Variants in ICE1 observed in about 807,000 individuals in gnomAD.
The protein encoded by ICE1 is interactor of little elongation complex ELL subunit 1.
Under a neutral mutation model 192.7 loss-of-function variants are expected in ICE1, and 64 were observed. That is an observed-to-expected ratio of 0.33 (90% CI 0.27 to 0.41). The LOEUF (loss-of-function observed/expected upper bound fraction) is 0.41. Ranked by LOEUF, ICE1 falls within the 10% of genes least tolerant of loss-of-function variation. The pLI, the probability that ICE1 is intolerant of heterozygous loss-of-function variation, is 1.00. For synonymous variants in ICE1, 1,010 were observed against 984.5 expected (o/e 1.03, Z -0.49); for missense variants, 2,708 against 2,696.0 (o/e 1.00, Z -0.10).
intron 17 of ICE1, 58 bp downstream of exon 17, chr5:5,476,137 T>TG (rs11416699): frequency 0.63 from 526,429 of 840,392 alleles, 171,810 homozygotes; most frequent in Admixed American, 0.77. Context: ...GGTGGAAGGC[T>TG]GGGGGGTTAA....
At chr5:5,465,291 C>T in intron 13 of ICE1, 65 bp downstream of exon 13, 1 of 1,178,568 alleles carries the variant, frequency 8.5e-7, no homozygotes, top group Non-Finnish European at 1.2e-6. Context: ...ATGCTGTTTA[C>T]TGTCAGCAAA....
chr5:5,454,753 T>A, intron 11 of ICE1, 115 bp downstream of exon 11: 1 of 640,690 alleles, frequency 1.6e-6, no homozygotes, highest in Non-Finnish European at 2.7e-6. Context: ...AAGAATGAAG[T>A]AAACTAGAAT....
intron 3 of ICE1, among the ~76,000 whole-genome samples, chr5:5,438,871 A>T (rs980920019): frequency 3.3e-5 from 5 of 152,168 alleles, no homozygotes; most frequent in Non-Finnish European, 7.4e-5. Flanking sequence ...ACATACCTTT[A>T]AAAAAATATG....
chr5:5,447,669 ATGGCTGCAC>A (rs1328340690), intron 8 of ICE1, 43 bp from the exon 9 acceptor site: 4 of 1,503,100 alleles, frequency 2.7e-6, no homozygotes, highest in Non-Finnish European at 3.6e-6. Context: ...TTGGTCTAGA[ATGGCTGCAC>A]TTCTTATTCA....
intron 11 of ICE1, among the ~76,000 whole-genome samples, chr5:5,455,343 C>A (rs1738553060): frequency 6.6e-6 from 1 of 152,134 alleles, no homozygotes; most frequent in South Asian, 2.1e-4. Context: ...GATGGGGTTT[C>A]TTTAAGTAGA....
intron 5 of ICE1, 65 bp from the exon 6 acceptor site, chr5:5,443,103 C>G (rs1738097065): frequency 1.1e-6 from 1 of 895,912 alleles, no homozygotes; most frequent in African/African-American, 1.7e-5. Flanking sequence ...AAAGGCAAAG[C>G]AAGTTATGAC....
intron 1 of ICE1, among the ~76,000 whole-genome samples, chr5:5,424,373 C>T (rs1436539648): frequency 6.6e-6 from 1 of 151,650 alleles, no homozygotes; most frequent in Non-Finnish European, 1.5e-5. Context: ...TCTTATAACG[C>T]CCCCCCGCCC....
intron 10 of ICE1, among the ~76,000 whole-genome samples, chr5:5,452,163 A>G (rs868196384): frequency 1.5e-5 from 2 of 133,124 alleles, no homozygotes; most frequent in Admixed American, 7.7e-5. Context: ...TGTTTGTTCC[A>G]TTTTTTTTTT....
Position 5,447,422 on chromosome 5 carries a change from T to C in ICE1, c.425-5T>C. 4 of 1,547,924 alleles carry C rather than the reference T, an allele frequency of 2.6e-6. No homozygotes were observed. Among genetic ancestry groups the C allele is most frequent in the Non-Finnish European group, 3.5e-6 (4 of 1,143,996 alleles). On this transcript the variant is annotated splice_region_variant and splice_polypyrimidine_tract_variant and intron_variant, in intron 7 of 18. Coordinates refer to ENST00000296564, the MANE Select transcript of ICE1 (RefSeq NM_015325.3). ...TCTCTCCCTATTGCTTCATTGGACT[T>C]AAAGAGGCTGCTGTCAAGCAAACTC...
At chr5:5,456,902 C>T (rs761630679) in intron 11 of ICE1, among the ~76,000 whole-genome samples, 1 of 152,126 alleles carries the variant, frequency 6.6e-6, no homozygotes, top group Non-Finnish European at 1.5e-5. Context: ...CGTGGGTAGG[C>T]TTGATATTAG....
Position 5,447,469 on chromosome 5 carries a change from A to C in ICE1, c.467A>C (p.Asn156Thr). 1.3e-6 allele frequency: 2 copies of C among 1,552,910 alleles called. No individual in the cohort carries two copies. Among genetic ancestry groups the C allele is most frequent in the Non-Finnish European group, 1.7e-6 (2 of 1,147,536 alleles). Residue 156 changes from asparagine (N) to threonine (T), a missense_variant, in exon 8 of 19, where the codon AAT becomes ACT. Physicochemically the swap from Asn to Thr is moderately conservative, Grantham distance 65. This residue lies in a region of ICE1 where 2,366 missense variants were observed against 2,276.6 expected (regional missense o/e 1.04). Coordinates refer to ENST00000296564, the MANE Select transcript of ICE1 (RefSeq NM_015325.3). ...KQTQDFKQLR[N>T]EKKILEKEFK... ...ACTCAGGACTTCAAGCAACTGAGAA[A>C]TGAAAAGAAAATACTTGAAAAGGAA...
chr5:5,445,175 G>A (rs115022466), intron 7 of ICE1, among the ~76,000 whole-genome samples: 4 of 152,134 alleles, frequency 2.6e-5, no homozygotes, highest in African/African-American at 4.8e-5. Flanking sequence ...TTACATCCGG[G>A]CACATAGAAT....
At chr5:5,426,586 G>A (rs1737526804) in intron 1 of ICE1, among the ~76,000 whole-genome samples, 3 of 152,164 alleles carry the variant, frequency 2.0e-5, no homozygotes, top group Admixed American at 2.0e-4. Flanking sequence ...TAGAGTCAGT[G>A]ACGGAAAACC....
Position 5,464,148 on chromosome 5 carries a change from T to C in ICE1, c.4814T>C (p.Leu1605Ser), listed in dbSNP as rs753958757. 2 of 1,613,662 alleles carry C rather than the reference T, an allele frequency of 1.2e-6. No homozygotes were observed. ...CAAAGAAGCCAAACTCAGACCATTT[T>C]AGCAAATGCTGATACATCCACTCCT... ...KTQRSQTQTI[L>S]ANADTSTPTD... Residue 1605 changes from leucine (L) to serine (S), a missense_variant, in exon 13 of 19, where the codon TTA (leucine) becomes TCA (serine). This residue lies in a region of ICE1 where 2,366 missense variants were observed against 2,276.6 expected (regional missense o/e 1.04). Transcript: ENST00000296564. The surrounding 1 kb of genome is among the most constrained non-coding windows in gnomAD (Gnocchi z 4.0).
At chr5:5,438,195 C>A (rs966238036) in intron 3 of ICE1, among the ~76,000 whole-genome samples, 1 of 152,190 alleles carries the variant, frequency 6.6e-6, no homozygotes, top group Non-Finnish European at 1.5e-5. Context: ...CCTTATAAAA[C>A]CATCAGATCT....
chr5:5,469,122 G>C, intron 15 of ICE1, 134 bp downstream of exon 15: 1 of 603,030 alleles, frequency 1.7e-6, no homozygotes, highest in Non-Finnish European at 2.5e-6. Flanking sequence ...AATTTAATCA[G>C]TTTAGCCTAA....
intron 5 of ICE1, among the ~76,000 whole-genome samples, chr5:5,441,458 G>A (rs1738051839): frequency 6.6e-6 from 1 of 152,202 alleles, no homozygotes. Context: ...GAGAGGGTCA[G>A]CAGAAAATGC....
chr5:5,452,811 G>A (rs1371288697), intron 10 of ICE1, among the ~76,000 whole-genome samples: 2 of 152,066 alleles, frequency 1.3e-5, no homozygotes, highest in Non-Finnish European at 2.9e-5. Flanking sequence ...CAATGAAGTA[G>A]AAAATAAATT....
Position 5,486,607 on chromosome 5 carries a change from C to T in ICE1, c.6521-114C>T, listed in dbSNP as rs113143151. The T allele has an allele frequency of 1.6e-3, 1,054 of 677,204 alleles. 6 individuals are homozygous for T. The African/African-American group carries it at 0.016, about 10-fold the overall frequency. 41.9% of individuals were successfully genotyped at this position (677,204 alleles called of 1,614,324 possible). Reference sequence around the variant, plus strand: ...TCATCTGGTATAGGTGATTGCAAGACGAAATGATGAGGCATTTTGATCACC... The same window carrying T: ...TCATCTGGTATAGGTGATTGCAAGATGAAATGATGAGGCATTTTGATCACC... On this transcript the variant is annotated intron_variant, in intron 17 of 18. Coordinates refer to ENST00000296564, the MANE Select transcript of ICE1 (RefSeq NM_015325.3).
Sources: gnomAD v4.1 joint callset for allele counts (sites outside exome capture counted in the v4.1 genomes callset) on GRCh38, gnomAD v4.1.1 for gene constraint, gnomAD v4.1.1 regional missense constraint, Gnocchi (gnomAD v3.1) non-coding constraint, MANE v1.5 for transcripts, NCBI Gene and HGNC (gene_info 2026-07-23, HGNC 2026-07-21) for gene names.